Variants in FAM53B observed in about 807,000 individuals in gnomAD.
The protein encoded by FAM53B is family with sequence similarity 53 member B, also known as protein FAM53B.
In FAM53B, 12 loss-of-function variants were observed where a neutral mutation model predicts 32.7. The ratio of observed to expected loss-of-function variants is 0.37; its 90% confidence interval spans 0.24 to 0.59. The LOEUF is 0.59. Ranked by LOEUF, FAM53B falls within the 20% of genes least tolerant of loss-of-function variation. The pLI is 0.72. For missense variants in FAM53B, 477 were observed against 577.7 expected, an observed-to-expected ratio of 0.83 and a Z score of 1.79; for synonymous variants, 234 against 228.7, an observed-to-expected ratio of 1.02 and a Z score of -0.21.
At chr10:124,674,672 AG>A in intron 4 of FAM53B, among the ~76,000 whole-genome samples, 1 of 152,338 alleles carries the variant, frequency 6.6e-6, no homozygotes, top group African/African-American at 2.4e-5. Context: ...AACCAGTCAA[AG>A]GGGCAAGAGC....
chr10:124,690,873 T>G (rs1949828796), intron 3 of FAM53B, among the ~76,000 whole-genome samples: 1 of 152,218 alleles, frequency 6.6e-6, no homozygotes, highest in Non-Finnish European at 1.5e-5. Flanking sequence ...CACTGGTTAA[T>G]GAGCAGTCTC....
At chr10:124,703,540 G>C (rs1949930001) in intron 2 of FAM53B, 1 of 152,358 alleles carries the variant, frequency 6.6e-6, no homozygotes, top group African/African-American at 2.4e-5. Context: ...GCTGAGCCAG[G>C]CCGGGCCAGG....
rs1034984319 is a variant in FAM53B at position 124,733,957 on chromosome 10, G to C, written c.-175+10056C>G. Among the ~76,000 whole-genome samples, 1 of 152,264 alleles carries C rather than the reference G, an allele frequency of 6.6e-6. No homozygotes were observed. Among genetic ancestry groups the C allele is most frequent in the East Asian group, 1.9e-4 (1 of 5,184 alleles). ...CACAGTCCCATGGTGCTGTGACTGGGGACACCTGCTCTCCTGGTCTCGAAT... is the reference window on the plus strand; with the variant it reads ...CACAGTCCCATGGTGCTGTGACTGGCGACACCTGCTCTCCTGGTCTCGAAT... On this transcript the variant is annotated intron_variant, in intron 1 of 4. Transcript: ENST00000337318. The surrounding 1 kb of genome is among the most constrained non-coding windows in gnomAD (Gnocchi z 4.3).
intron 4 of FAM53B, among the ~76,000 whole-genome samples, chr10:124,645,932 G>C (rs558736458): frequency 6.6e-6 from 1 of 152,296 alleles, no homozygotes. Context: ...TGGCATTTGA[G>C]CTGAGTGGGC....
chr10:124,729,778 C>CA (rs921317089), intron 1 of FAM53B, among the ~76,000 whole-genome samples: 6 of 152,222 alleles, frequency 3.9e-5, no homozygotes, highest in African/African-American at 1.4e-4. Flanking sequence ...TCTCCACACT[C>CA]AGAGTCTATC....
rs371290225 is a variant in FAM53B at position 124,720,594 on chromosome 10, C to A, written c.-174-13707G>T. 4.6e-5 allele frequency among the ~76,000 whole-genome samples: 7 copies of A among 152,328 alleles called. No homozygotes were observed. In the East Asian group the frequency reaches 1.3e-3, roughly 29 times the overall value. The stretch of plus-strand genomic sequence containing the variant: ...AGAGGTTGACATTGAAGCACCAAAA[C>A]CCAGTTTCCAGTGTGCTGGATGAAC... On this transcript the variant is annotated intron_variant, in intron 1 of 4. Coordinates refer to ENST00000337318, the MANE Select transcript of FAM53B (RefSeq NM_014661.4).
At chr10:124,692,114 G>C (rs557556502) in intron 3 of FAM53B, among the ~76,000 whole-genome samples, 1 of 152,224 alleles carries the variant, frequency 6.6e-6, no homozygotes, top group African/African-American at 2.4e-5. Flanking sequence ...AGATGAGAAA[G>C]GAAGCCAAGA....
intron 1 of FAM53B, among the ~76,000 whole-genome samples, chr10:124,735,602 C>T (rs950579607): frequency 6.6e-6 from 1 of 152,276 alleles, no homozygotes; most frequent in Non-Finnish European, 1.5e-5. Flanking sequence ...TGTCCTGTAT[C>T]TTGTCATCAC....
intron 4 of FAM53B, among the ~76,000 whole-genome samples, chr10:124,626,446 G>A (rs1378984657): frequency 6.7e-6 from 1 of 150,194 alleles, no homozygotes; most frequent in Non-Finnish European, 1.5e-5. Flanking sequence ...GAGGTGATGA[G>A]GTCATGTAGG....
chr10:124,731,816 G>A (rs1483154884), intron 1 of FAM53B, among the ~76,000 whole-genome samples: 4 of 152,112 alleles, frequency 2.6e-5, no homozygotes, highest in South Asian at 2.1e-4. Context: ...ATGCTTCCCC[G>A]ACCTTGGAGA....
chr10:124,723,750 G>A (rs1169781146), intron 1 of FAM53B, among the ~76,000 whole-genome samples: 2 of 152,262 alleles, frequency 1.3e-5, no homozygotes, highest in East Asian at 3.8e-4. Context: ...GCCTCTGCAG[G>A]AACCCCAGTG....
rs559916375 is a variant in FAM53B at position 124,690,115 on chromosome 10, C to A, written c.133+6043G>T. On this transcript the variant is annotated intron_variant, in intron 3 of 4. Transcript: ENST00000337318. ...CTCTTAACTGATGTACACAGCAAAG[C>A]GGGGCGCCATTAAACCGACGAGGGA... is the stretch of plus-strand genomic sequence containing the variant. 2.5e-3 allele frequency among the ~76,000 whole-genome samples: 385 copies of A among 152,318 alleles called. 1 individual carries two copies. Among genetic ancestry groups the A allele is most frequent in the African/African-American group, 9.0e-3 (376 of 41,560 alleles).
intron 4 of FAM53B, among the ~76,000 whole-genome samples, chr10:124,672,109 C>T (rs1181000953): frequency 6.6e-6 from 1 of 152,236 alleles, no homozygotes; most frequent in East Asian, 1.9e-4. Flanking sequence ...GCGACAGAGG[C>T]TCATGCTGCC....
At chr10:124,656,989 G>A (rs937720855) in intron 4 of FAM53B, among the ~76,000 whole-genome samples, 1 of 150,738 alleles carries the variant, frequency 6.6e-6, no homozygotes, top group African/African-American at 2.4e-5. Flanking sequence ...GTATACATAC[G>A]TAACAAACCT....
intron 1 of FAM53B, among the ~76,000 whole-genome samples, chr10:124,718,271 T>A (rs529944859): frequency 1.6e-4 from 25 of 152,138 alleles, no homozygotes; most frequent in African/African-American, 5.5e-4. Flanking sequence ...AGAGGTCACA[T>A]CCTAACCTCA....
chr10:124,632,960 T>C (rs1423965385), intron 4 of FAM53B, among the ~76,000 whole-genome samples: 1 of 152,134 alleles, frequency 6.6e-6, no homozygotes, highest in Non-Finnish European at 1.5e-5. Flanking sequence ...TGTGCCTCAG[T>C]TTCTCATGTG....
intron 2 of FAM53B, among the ~76,000 whole-genome samples, chr10:124,704,718 T>C (rs1001174781): frequency 3.3e-5 from 5 of 152,096 alleles, no homozygotes; most frequent in Admixed American, 6.5e-5. Context: ...TACATCCTAG[T>C]AAGGGCTGGG....
intron 4 of FAM53B, 187 bp from the exon 5 acceptor site, chr10:124,623,791 G>A (rs1949328215): frequency 3.3e-6 from 2 of 598,202 alleles, no homozygotes; most frequent in Non-Finnish European, 5.7e-6. Context: ...CGGCCAATGA[G>A]CGCTCTGTGC....
chr10:124,628,023 T>G (rs1290544818), intron 4 of FAM53B, among the ~76,000 whole-genome samples: 1 of 152,206 alleles, frequency 6.6e-6, no homozygotes, highest in East Asian at 1.9e-4. Context: ...CCAGGCAGAC[T>G]GCTACTCACT....
Sources: gnomAD v4.1 joint callset for allele counts (sites outside exome capture counted in the v4.1 genomes callset) on GRCh38, gnomAD v4.1.1 for gene constraint, Gnocchi (gnomAD v3.1) non-coding constraint, MANE v1.5 for transcripts, NCBI Gene and HGNC (gene_info 2026-07-23, HGNC 2026-07-21) for gene names.